TRIQK: variants seen among roughly 807,000 people sequenced by gnomAD.
TRIQK encodes the protein triple QxxK/R motif containing.
Under a neutral mutation model 10.8 loss-of-function variants are expected in TRIQK, and 10 were observed. The ratio of observed to expected loss-of-function variants is 0.92; its 90% CI spans 0.57 to 1.57. The LOEUF is 1.57. TRIQK is among the 40% of genes most tolerant of loss of function. The pLI is 0.00. For synonymous variants in TRIQK, 33 were observed against 33.7 expected (o/e 0.98, Z 0.07); for missense variants, 107 against 97.7 (o/e 1.09, Z -0.40).
chr8:92,967,161 G>C (rs1404752580), upstream of TRIQK, among the ~76,000 whole-genome samples: 3 of 151,862 alleles, frequency 2.0e-5, no homozygotes, highest in African/African-American at 4.8e-5. Flanking sequence ...AGTTAAATGA[G>C]ATTATATTAA....
At chr8:92,927,218 G>A (rs1210644835) in intron 2 of TRIQK, among the ~76,000 whole-genome samples, 2 of 152,030 alleles carry the variant, frequency 1.3e-5, no homozygotes, top group African/African-American at 4.8e-5. Flanking sequence ...TGCTGACATA[G>A]GGAAGGGTAG....
intron 2 of TRIQK, among the ~76,000 whole-genome samples, chr8:92,937,701 A>C (rs1272959766): frequency 6.6e-6 from 1 of 151,704 alleles, no homozygotes; most frequent in Non-Finnish European, 1.5e-5. Flanking sequence ...TAGAATTTAT[A>C]ATACATATTA....
chr8:92,983,193 C>A (rs1344012614), intron 1 of TRIQK, among the ~76,000 whole-genome samples: 1 of 152,006 alleles, frequency 6.6e-6, no homozygotes, highest in East Asian at 1.9e-4. Context: ...TGCTCTGGGA[C>A]ACTACTAGTT....
At chr8:92,949,498 G>A (rs1238627309) in intron 2 of TRIQK, among the ~76,000 whole-genome samples, 2 of 149,994 alleles carry the variant, frequency 1.3e-5, no homozygotes, top group Non-Finnish European at 3.0e-5. Context: ...TTACTATTGA[G>A]GCAGTATGCA....
At chr8:92,964,628 A>T (rs1283082650) in intron 1 of TRIQK, among the ~76,000 whole-genome samples, 2 of 151,574 alleles carry the variant, frequency 1.3e-5, no homozygotes, top group East Asian at 1.9e-4. Flanking sequence ...AAAAATCACA[A>T]GGGAAATTTG....
At chr8:92,969,356 C>A (rs1454996713), upstream of TRIQK, among the ~76,000 whole-genome samples, 1 of 151,916 alleles carries the variant, frequency 6.6e-6, no homozygotes, top group Non-Finnish European at 1.5e-5. Context: ...CAGTTATTGA[C>A]TTTTAATTCC....
intron 3 of TRIQK, among the ~76,000 whole-genome samples, chr8:92,892,496 G>C (rs1464422194): frequency 6.6e-6 from 1 of 151,760 alleles, no homozygotes; most frequent in African/African-American, 2.4e-5. Flanking sequence ...GATACGTTAA[G>C]CATTCAAAAC....
intron 2 of TRIQK, among the ~76,000 whole-genome samples, chr8:92,933,847 G>C (rs946134054): frequency 6.6e-6 from 1 of 152,006 alleles, no homozygotes; most frequent in Non-Finnish European, 1.5e-5. Flanking sequence ...TGACTATAAA[G>C]TACACAGATA....
intron 1 of TRIQK, among the ~76,000 whole-genome samples, chr8:92,993,962 G>T (rs1451794374): frequency 1.3e-5 from 2 of 152,128 alleles, no homozygotes; most frequent in African/African-American, 4.8e-5. Context: ...TACTCCTCTT[G>T]ATGGTACACT....
chr8:92,965,568 A>G (rs440973), intron 1 of TRIQK: 104,696 of 152,268 alleles, frequency 0.69, 36,455 homozygotes, highest in South Asian at 0.78. Flanking sequence ...CAAGTAAGCG[A>G]CCGCGAGTAA....
chr8:92,953,611 C>T (rs1211933206), intron 2 of TRIQK: 1 of 151,764 alleles, frequency 6.6e-6, no homozygotes, highest in African/African-American at 2.4e-5. Flanking sequence ...ATAGCAAGTG[C>T]AAAAATTCTG....
intron 1 of TRIQK, among the ~76,000 whole-genome samples, chr8:92,990,487 G>A (rs192727843): frequency 4.2e-4 from 63 of 151,226 alleles, no homozygotes; most frequent in African/African-American, 1.4e-3. Flanking sequence ...GAAGAGCTCC[G>A]GTCTGCAGCT....
At chr8:92,893,402 T>C (rs1163435910) in intron 3 of TRIQK, among the ~76,000 whole-genome samples, 2 of 152,028 alleles carry the variant, frequency 1.3e-5, no homozygotes, top group African/African-American at 4.8e-5. Flanking sequence ...TAACTGCTAT[T>C]GTATAGCAAT....
chr8:92,893,849 C>CG (rs111910456), intron 3 of TRIQK, among the ~76,000 whole-genome samples: 5 of 98,712 alleles, frequency 5.1e-5, no homozygotes, highest in Non-Finnish European at 8.0e-5. Context: ...GATGCTATGG[C>CG]GGGGGGTGGG....
At chr8:92,903,699 G>A (rs891944305) in intron 3 of TRIQK, among the ~76,000 whole-genome samples, 1 of 151,990 alleles carries the variant, frequency 6.6e-6, no homozygotes, top group Admixed American at 6.6e-5. Flanking sequence ...TAATAAGATA[G>A]TTATCATATT....
chr8:92,892,955 T>C (rs1816835363), intron 3 of TRIQK, among the ~76,000 whole-genome samples: 1 of 151,998 alleles, frequency 6.6e-6, no homozygotes, highest in South Asian at 2.1e-4. Flanking sequence ...TATAATATTT[T>C]ATTCTCAGGA....
rs1013432860 is a variant in TRIQK at position 92,888,987 on chromosome 8, T to C, written c.148-2252A>G. Among the ~76,000 whole-genome samples, 115 of 151,668 alleles carry C rather than the reference T, an allele frequency of 7.6e-4. 3 individuals are homozygous for C. Among genetic ancestry groups the C allele is most frequent in the Admixed American group, 7.5e-3 (114 of 15,154 alleles). ...ATCTTTTAATTGAGCAGCAACTAAA[T>C]AGCAAACTTAGTTGTGCAAACATTT... is the stretch of plus-strand genomic sequence containing the variant. On this transcript the variant is annotated intron_variant, in intron 4 of 4. Transcript: ENST00000521988.
intron 1 of TRIQK, among the ~76,000 whole-genome samples, chr8:92,997,246 T>G (rs1433246705): frequency 6.6e-6 from 1 of 152,018 alleles, no homozygotes; most frequent in Non-Finnish European, 1.5e-5. Flanking sequence ...ATACTGGCAC[T>G]AGGAATTCAG....
chr8:92,979,296 C>T (rs1298737900), intron 1 of TRIQK, among the ~76,000 whole-genome samples: 1 of 152,096 alleles, frequency 6.6e-6, no homozygotes, highest in African/African-American at 2.4e-5. Context: ...TATAGAAGAT[C>T]TGTAGGATGA....
Sources: allele counts gnomAD v4.1 joint callset (sites outside exome capture counted in the v4.1 genomes callset), GRCh38; gene constraint gnomAD v4.1.1; transcripts MANE v1.5; gene names NCBI Gene and HGNC (gene_info 2026-07-23, HGNC 2026-07-21).